BICRAL: variants seen among roughly 807,000 people sequenced by gnomAD.
BICRAL encodes BRD4-interacting chromatin-remodeling complex-associated protein-like.
A neutral mutation model predicts 91.8 loss-of-function variants in BICRAL; 8 were observed. The observed-to-expected ratio is 0.09, with a 90% CI of 0.05 to 0.16. The LOEUF is 0.16. BICRAL is among the 10% of genes least tolerant of loss of function. The pLI, the probability that BICRAL is intolerant of heterozygous loss-of-function variation, is 1.00. For missense variants in BICRAL, 1,038 were observed against 1,310.9 expected (o/e 0.79, Z 3.21); for synonymous variants, 445 against 491.1 (o/e 0.91, Z 1.24).
intron 6 of BICRAL, among the ~76,000 whole-genome samples, chr6:42,835,816 C>T (rs1275898362): frequency 6.6e-6 from 1 of 152,130 alleles, no homozygotes; most frequent in Non-Finnish European, 1.5e-5. Context: ...CACCTGTAGT[C>T]CCAGCTACTT....
intron 11 of BICRAL, among the ~76,000 whole-genome samples, chr6:42,860,680 G>C (rs1438438934): frequency 6.6e-6 from 1 of 152,180 alleles, no homozygotes; most frequent in East Asian, 1.9e-4. Context: ...TCTGACCCCT[G>C]GTCCACACTC....
chr6:42,758,478 CT>C (rs1413750463), intron 1 of BICRAL, among the ~76,000 whole-genome samples: 1 of 152,206 alleles, frequency 6.6e-6, no homozygotes, highest in Non-Finnish European at 1.5e-5. Context: ...TCGTGCTGCA[CT>C]TTTTAAGGCA....
Position 42,862,549 on chromosome 6 carries a change from A to C in BICRAL, c.2389A>C (p.Met797Leu). Reference sequence around the variant, plus strand: ...TGCTGAGATGGTGATGATCGATAGGATGTTCAACCAGGAGGAAAGAGCTTC... The same window carrying C: ...TGCTGAGATGGTGATGATCGATAGGCTGTTCAACCAGGAGGAAAGAGCTTC... ...PSAEMVMIDR[M>L]FNQEERASLS... Residue 797 changes from methionine (M) to leucine (L), a missense_variant, in exon 12 of 13, where the codon ATG (methionine) becomes CTG (leucine). Met to Leu is a conservative substitution (Grantham distance 15, BLOSUM62 2). Transcript: ENST00000314073. 6.2e-7 allele frequency: 1 copy of C among 1,612,398 alleles called. No homozygotes were observed. The highest frequency in any genetic ancestry group is 1.1e-5 in the South Asian group (1 of 91,038).
chr6:42,761,747 T>TA (rs1762552975), intron 1 of BICRAL, among the ~76,000 whole-genome samples: 1 of 151,296 alleles, frequency 6.6e-6, no homozygotes, highest in South Asian at 2.1e-4. Context: ...GCCATCTCTA[T>TA]AAAAAATACC....
At chr6:42,841,181 ATATTT>A (rs552231415) in intron 6 of BICRAL, among the ~76,000 whole-genome samples, 4,205 of 134,250 alleles carry the variant, frequency 0.031, 254 homozygotes, top group African/African-American at 0.11. Context: ...TCACTCTTGA[ATATTT>A]TTTTTTTTTT....
chr6:42,806,303 G>C (rs1333463907), intron 1 of BICRAL, among the ~76,000 whole-genome samples: 1 of 152,178 alleles, frequency 6.6e-6, no homozygotes, highest in Admixed American at 6.5e-5. Context: ...TAGTAACCCA[G>C]ATTCCAGATG....
intron 1 of BICRAL, among the ~76,000 whole-genome samples, chr6:42,769,022 T>A (rs910668633): frequency 3.9e-5 from 6 of 152,264 alleles, no homozygotes; most frequent in Admixed American, 2.0e-4. Context: ...GTGTATTGGT[T>A]GTCTATGACT....
In BICRAL at chr6:42,751,665, T is replaced by A. The variant is rs528488167; in HGVS notation, c.-261+4642T>A. Among the ~76,000 whole-genome samples, 1,069 of 149,110 alleles carry A rather than the reference T, an allele frequency of 7.2e-3. 16 individuals carry two copies. Among genetic ancestry groups the A allele is most frequent in the African/African-American group, 0.025 (1,033 of 40,860 alleles). ...TTTTTCTTTCTTTTCTTTTTTTTTTTTTTTTTTTTGAGACGGAGTTTTGCC... is the reference window on the plus strand; with the variant it reads ...TTTTTCTTTCTTTTCTTTTTTTTTTATTTTTTTTTGAGACGGAGTTTTGCC... On this transcript the variant is annotated intron_variant, in intron 1 of 14. Transcript: ENST00000614467.
intron 2 of BICRAL, among the ~76,000 whole-genome samples, chr6:42,821,411 A>G (rs924049418): frequency 2.6e-5 from 4 of 152,200 alleles, no homozygotes; most frequent in African/African-American, 2.4e-5. Flanking sequence ...TAGGATGTAG[A>G]TTGTTTGGAG....
rs1300871239 is a variant in BICRAL at position 42,767,114 on chromosome 6, T to C, written c.-260-14725T>C. Among the ~76,000 whole-genome samples, 3 of 151,280 alleles carry C rather than the reference T, an allele frequency of 2.0e-5. No individual in the cohort carries two copies. The East Asian group carries it at 5.8e-4, about 29-fold the overall frequency. On this transcript the variant is annotated intron_variant, in intron 1 of 14. Coordinates refer to the BICRAL transcript ENST00000614467. ...TTGTAGTGAGCCAAGATTGTGCCAC[T>C]GCACTCCAGCCTGGGCGACAGAGTT...
At chr6:42,797,129 T>C (rs930065318) in intron 1 of BICRAL, among the ~76,000 whole-genome samples, 1 of 151,646 alleles carries the variant, frequency 6.6e-6, no homozygotes. Context: ...AGGAAGATTT[T>C]GTTGACCAGG....
rs200021074 is a variant in BICRAL at position 42,747,808 on chromosome 6, T to TTA, written c.-261+786_-261+787insAT. Among the ~76,000 whole-genome samples the TTA allele has an allele frequency of 7.1e-4, 103 of 145,566 alleles. 2 individuals are homozygous for TTA. The highest frequency in any genetic ancestry group is 2.6e-3 in the African/African-American group (99 of 38,260). The stretch of plus-strand genomic sequence containing the variant: ...TTTTGCTTTTTTGTTTTATTTTGTT[T>TTA]TTTTTTTTTTTTTTTGAGACGGAGT... On this transcript the variant is annotated intron_variant, in intron 1 of 14. Transcript: ENST00000614467.
intron 6 of BICRAL, among the ~76,000 whole-genome samples, chr6:42,836,619 CTTTTTTT>C (rs962446384): frequency 4.0e-5 from 5 of 125,344 alleles, no homozygotes; most frequent in South Asian, 2.6e-4. Flanking sequence ...TGTGTAGTTT[CTTTTTTT>C]TTTTTTTTTT....
rs748804344 is a variant in BICRAL, at chr6:42,845,195, GTTTTTT to G, written c.1840-6849_1840-6844del. On this transcript the variant is annotated intron_variant, in intron 6 of 12. Coordinates refer to ENST00000314073, the MANE Select transcript of BICRAL (RefSeq NM_001393499.1). ...CTTCTCTGTTTTTTGTTTTTTGGGT[GTTTTTT>G]TTTTTTTTTTTTTTTTTTTTTTTTT... 9.4e-4 allele frequency among the ~76,000 whole-genome samples: 24 copies of G among 25,610 alleles called. 6 individuals are homozygous for G. Among genetic ancestry groups the G allele is most frequent in the South Asian group, 5.4e-3 (3 of 556 alleles). 16.8% of individuals were successfully genotyped at this position (25,610 alleles called of 152,430 possible).
At chr6:42,768,915 A>T (rs1384117006) in intron 1 of BICRAL, among the ~76,000 whole-genome samples, 1 of 152,216 alleles carries the variant, frequency 6.6e-6, no homozygotes, top group African/African-American at 2.4e-5. Context: ...CAGGCTAAAG[A>T]TGTGATGTGA....
At chr6:42,776,416 T>C (rs1762808788) in intron 1 of BICRAL, among the ~76,000 whole-genome samples, 1 of 151,902 alleles carries the variant, frequency 6.6e-6, no homozygotes, top group African/African-American at 2.4e-5. Flanking sequence ...GGCTTGATCA[T>C]GGCTCACTAC....
rs865774698 is a variant in BICRAL, at chr6:42,853,667, G to A, written c.1975G>A (p.Ala659Thr). 3 of 1,613,578 alleles carry A rather than the reference G, an allele frequency of 1.9e-6. No homozygotes were observed. Among genetic ancestry groups the A allele is most frequent in the Admixed American group, 1.7e-5 (1 of 60,000 alleles). The change falls in exon 8 of 13, where the codon GCA becomes ACA. Residue 659 changes from alanine (A) to threonine (T), a missense_variant. Transcript: ENST00000314073. ...GGATTCTGGAAGCAAAGTTATATCC[G>A]CATCCTTAGGAACCGCACAACCACA... ...GQDSGSKVIS[A>T]SLGTAQPQQE...
chr6:42,857,600 TAA>T lies in BICRAL; in HGVS notation c.2254+378_2254+379del, dbSNP rs748078737. Among the ~76,000 whole-genome samples, 298 of 101,344 alleles carry T rather than the reference TAA, an allele frequency of 2.9e-3. 12 individuals are homozygous for T. Among genetic ancestry groups the T allele is most frequent in the African/African-American group, 9.5e-3 (191 of 20,034 alleles). The allele number at this position is 101,344 out of a possible 152,430, so 66.5% of individuals were successfully genotyped here. ...GGCAACATAGGGAGACACTGTCTCT[TAA>T]AAAAAAAAAAAAATATATATATATA... On this transcript the variant is annotated intron_variant, in intron 10 of 12. Coordinates refer to ENST00000314073, the MANE Select transcript of BICRAL (RefSeq NM_001393499.1).
chr6:42,859,853 G>A (rs1765497569), intron 10 of BICRAL, among the ~76,000 whole-genome samples: 1 of 151,818 alleles, frequency 6.6e-6, no homozygotes, highest in Non-Finnish European at 1.5e-5. Context: ...CACCATGTTA[G>A]CCAGGATGGT....
Sources: gnomAD v4.1 joint callset for allele counts (sites outside exome capture counted in the v4.1 genomes callset) on GRCh38, gnomAD v4.1.1 for gene constraint, MANE v1.5 for transcripts, NCBI Gene and HGNC (gene_info 2026-07-23, HGNC 2026-07-21) for gene names.